Variants in SLC35D4 observed in about 807,000 individuals in gnomAD.
The protein encoded by SLC35D4 is solute carrier family 35 member D4.
chr18:23,308,616 T>C, the SLC35D4 span, among the ~76,000 whole-genome samples: 1 of 152,110 alleles, frequency 6.6e-6, no homozygotes, highest in Non-Finnish European at 1.5e-5. Flanking sequence ...ACCTAGATCA[T>C]GGCAAGAGCC....
chr18:23,285,529 T>C, the SLC35D4 span, among the ~76,000 whole-genome samples: 1 of 152,330 alleles, frequency 6.6e-6, no homozygotes, highest in Non-Finnish European at 1.5e-5. Context: ...GCAAATGGTC[T>C]GAGGTGCATG....
chr18:23,250,309 G>A, the SLC35D4 span, among the ~76,000 whole-genome samples: 66 of 149,896 alleles, frequency 4.4e-4, no homozygotes, highest in African/African-American at 1.5e-3. Flanking sequence ...GAGTAGAAGC[G>A]GCCTGTCTCT....
At chr18:23,273,876 T>A in the SLC35D4 span, among the ~76,000 whole-genome samples, 1 of 152,120 alleles carries the variant, frequency 6.6e-6, no homozygotes, top group African/African-American at 2.4e-5. Flanking sequence ...ATTACTATAA[T>A]TTTTTTCCAT....
chr18:23,411,135 AGAAGGAAG>A, the SLC35D4 span, among the ~76,000 whole-genome samples: 16 of 146,548 alleles, frequency 1.1e-4, 1 homozygote, highest in South Asian at 1.1e-3. Context: ...TACAGAAGAA[AGAAGGAAG>A]GAAGGAAGGA....
the SLC35D4 span, among the ~76,000 whole-genome samples, chr18:23,434,489 T>C: frequency 6.6e-6 from 1 of 152,228 alleles, no homozygotes; most frequent in African/African-American, 2.4e-5. Flanking sequence ...TATTTTGTCC[T>C]TTTATTAAAT....
the SLC35D4 span, chr18:23,297,025 G>A: frequency 6.6e-6 from 1 of 152,162 alleles, no homozygotes; most frequent in Non-Finnish European, 1.5e-5. Flanking sequence ...CCTTAGGCAA[G>A]CCAGCATGAC....
At chr18:23,432,961 C>T in the SLC35D4 span, among the ~76,000 whole-genome samples, 1 of 126,464 alleles carries the variant, frequency 7.9e-6, no homozygotes, top group African/African-American at 3.1e-5. Context: ...GCCTTGGCAA[C>T]AGAGCAAGAC....
the SLC35D4 span, chr18:23,421,332 G>A: frequency 6.5e-7 from 1 of 1,549,954 alleles, no homozygotes; most frequent in African/African-American, 1.4e-5. Context: ...AGCAGAGTGT[G>A]AATCATGCAT....
chr18:23,255,586 G>A, the SLC35D4 span, among the ~76,000 whole-genome samples: 1 of 147,442 alleles, frequency 6.8e-6, no homozygotes, highest in Non-Finnish European at 1.5e-5. Context: ...TTGAGACAGG[G>A]TCTCACTCTG....
At chr18:23,343,959 C>A in the SLC35D4 span, among the ~76,000 whole-genome samples, 17 of 150,062 alleles carry the variant, frequency 1.1e-4, no homozygotes, top group African/African-American at 3.9e-4. Context: ...AGTGCAATGG[C>A]GCTATCTCAG....
chr18:23,252,825 C>T, the SLC35D4 span: 2 of 599,812 alleles, frequency 3.3e-6, no homozygotes, highest in East Asian at 3.0e-5. Context: ...TTCCGCCGAG[C>T]CCTTGTTGTA....
chr18:23,274,353 C>T, the SLC35D4 span, among the ~76,000 whole-genome samples: 6 of 152,162 alleles, frequency 3.9e-5, no homozygotes, highest in African/African-American at 1.4e-4. Flanking sequence ...ACTCCCTGAT[C>T]GAGGGATTGG....
chr18:23,412,079 G>A, the SLC35D4 span, among the ~76,000 whole-genome samples: 1 of 152,230 alleles, frequency 6.6e-6, no homozygotes, highest in East Asian at 1.9e-4. Flanking sequence ...TAACATTTTG[G>A]GAGGCCGAGG....
At chr18:23,268,104 T>C in the SLC35D4 span, among the ~76,000 whole-genome samples, 10 of 152,294 alleles carry the variant, frequency 6.6e-5, no homozygotes, top group East Asian at 1.9e-3. Flanking sequence ...ATCTTTTCCA[T>C]AGTGAATAAA....
chr18:23,314,663 C>A, the SLC35D4 span, among the ~76,000 whole-genome samples: 1 of 152,196 alleles, frequency 6.6e-6, no homozygotes, highest in African/African-American at 2.4e-5. Flanking sequence ...TTCAAGAAGA[C>A]CTAAGAAATA....
chr18:23,272,618 A>G, the SLC35D4 span, among the ~76,000 whole-genome samples: 1 of 152,144 alleles, frequency 6.6e-6, no homozygotes, highest in Non-Finnish European at 1.5e-5. Context: ...AGGAGCTAGG[A>G]AAGAAATCAG....
At chr18:23,335,422 T>G in the SLC35D4 span, among the ~76,000 whole-genome samples, 1 of 152,188 alleles carries the variant, frequency 6.6e-6, no homozygotes, top group Non-Finnish European at 1.5e-5. Context: ...TCCTGGCCAT[T>G]GTCCGCCCTC....
chr18:23,291,932 G>A, the SLC35D4 span, among the ~76,000 whole-genome samples: 2 of 152,220 alleles, frequency 1.3e-5, no homozygotes, highest in Non-Finnish European at 2.9e-5. Flanking sequence ...GGTGGGGCCA[G>A]GAGAAGCCCA....
At chr18:23,427,601 GAC>G in the SLC35D4 span, among the ~76,000 whole-genome samples, 126 of 152,308 alleles carry the variant, frequency 8.3e-4, no homozygotes, top group African/African-American at 2.9e-3. Context: ...CATTGTGGAA[GAC>G]AGTGTGGCGA....
Sources: gnomAD v4.1 joint callset for allele counts (sites outside exome capture counted in the v4.1 genomes callset) on GRCh38, gnomAD v4.1.1 for gene constraint, MANE v1.5 for transcripts, NCBI Gene and HGNC (gene_info 2026-07-23, HGNC 2026-07-21) for gene names.